The following EPB41L2 variants were observed in gnomAD, a reference collection of about 807,000 sequenced individuals.
The protein encoded by EPB41L2 is band 4.1-like protein 2.
Under a neutral mutation model 113.0 loss-of-function variants are expected in EPB41L2, and 43 were observed. The observed-to-expected ratio is 0.38, with a 90% CI of 0.30 to 0.49. EPB41L2 has a LOEUF of 0.49. Among genes scored for constraint, EPB41L2 ranks in the 20% least tolerant of loss-of-function variants. The pLI is 0.95. For missense variants in EPB41L2, 1,147 were observed against 1,223.4 expected, an observed-to-expected ratio of 0.94 and a Z score of 0.93; for synonymous variants, 442 against 436.7, an observed-to-expected ratio of 1.01 and a Z score of -0.15.
At chr6:130,861,012 T>C (rs189862906) in intron 18 of EPB41L2, among the ~76,000 whole-genome samples, 1 of 152,312 alleles carries the variant, frequency 6.6e-6, no homozygotes, top group African/African-American at 2.4e-5. Flanking sequence ...ACAAAAAAGA[T>C]TTCTTGTTTT....
intron 1 of EPB41L2, among the ~76,000 whole-genome samples, chr6:130,961,712 G>C (rs1239388313): frequency 6.6e-6 from 1 of 152,212 alleles, no homozygotes; most frequent in Admixed American, 6.5e-5. Context: ...GCAGGGAACA[G>C]GGTAGGTGCT....
chr6:130,986,614 G>A (rs1485268871), intron 1 of EPB41L2, among the ~76,000 whole-genome samples: 1 of 149,248 alleles, frequency 6.7e-6, no homozygotes, highest in Non-Finnish European at 1.5e-5. Context: ...ATGGAGTCTT[G>A]CTCTGTTGCC....
chr6:130,991,483 C>T (rs1295159184), intron 1 of EPB41L2, among the ~76,000 whole-genome samples: 1 of 152,216 alleles, frequency 6.6e-6, no homozygotes, highest in Admixed American at 6.5e-5. Context: ...GGTCTTACTA[C>T]TGGGCATCCA....
In EPB41L2 at chr6:131,059,114, C is replaced by CT. The variant is rs1554361720; in HGVS notation, c.-15+4040dup. On this transcript the variant is annotated intron_variant, in intron 1 of 19. Coordinates refer to ENST00000337057, the MANE Select transcript of EPB41L2 (RefSeq NM_001431.4). ...TCTTTCCTTCTTGGCTTACCTATAA[C>CT]TTTTTTTTTTTTTTTTTTGAGATGG... is the stretch of plus-strand genomic sequence containing the variant. Among the ~76,000 whole-genome samples the CT allele has an allele frequency of 9.3e-3, 1,216 of 131,340 alleles. 33 individuals carry two copies. Among genetic ancestry groups the CT allele is most frequent in the African/African-American group, 0.015 (530 of 35,400 alleles). 86.2% of individuals were successfully genotyped at this position (131,340 alleles called of 152,430 possible).
intron 4 of EPB41L2, among the ~76,000 whole-genome samples, chr6:130,917,376 T>G (rs1475065245): frequency 6.6e-6 from 1 of 152,182 alleles, no homozygotes; most frequent in African/African-American, 2.4e-5. Context: ...AAGAATCCTG[T>G]TAATAAGTTG....
rs144403545 is a variant in EPB41L2 at position 131,043,274 on chromosome 6, C to T, written c.-15+19881G>A. Among the ~76,000 whole-genome samples the T allele has an allele frequency of 2.2e-3, 333 of 152,024 alleles. 1 individual carries two copies. Among genetic ancestry groups the T allele is most frequent in the African/African-American group, 7.3e-3 (303 of 41,448 alleles). ...CAAAATCTCGCCGCTGCACTCCAGCCTGGGTGACAGAGTAAGACTCTGTCT... is the reference window on the plus strand; with the variant it reads ...CAAAATCTCGCCGCTGCACTCCAGCTTGGGTGACAGAGTAAGACTCTGTCT... On this transcript the variant is annotated intron_variant, in intron 1 of 19. Coordinates refer to ENST00000337057, the MANE Select transcript of EPB41L2 (RefSeq NM_001431.4).
chr6:131,023,389 T>C (rs9492785), intron 1 of EPB41L2, among the ~76,000 whole-genome samples: 25,042 of 152,066 alleles, frequency 0.16, 2,188 homozygotes, highest in African/African-American at 0.22. Context: ...AAGATTTCAG[T>C]AGATAAAAAT....
intron 1 of EPB41L2, among the ~76,000 whole-genome samples, chr6:131,032,267 T>C (rs972947576): frequency 6.6e-6 from 1 of 152,170 alleles, no homozygotes; most frequent in Non-Finnish European, 1.5e-5. Flanking sequence ...TCATCCTTCC[T>C]TCAGTTTTTT....
rs144840412 is a variant in EPB41L2 at position 130,884,053 on chromosome 6, G to A, written c.1833+1043C>T. 5.0e-3 allele frequency among the ~76,000 whole-genome samples: 760 copies of A among 152,134 alleles called. 7 individuals carry two copies. The highest frequency in any genetic ancestry group is 0.017 in the African/African-American group (722 of 41,498). On this transcript the variant is annotated intron_variant, in intron 12 of 19. Transcript: ENST00000337057. ...AGTTAAAATTTAGAAAACACTATAC[G>A]GCCGGGCTCAGTGGCTCATACCTGT...
At chr6:130,961,289 G>A (rs1025672338) in intron 1 of EPB41L2, among the ~76,000 whole-genome samples, 1 of 152,128 alleles carries the variant, frequency 6.6e-6, no homozygotes, top group African/African-American at 2.4e-5. Context: ...TTACCATGTT[G>A]GCATGCTCCA....
chr6:131,000,074 T>C (rs960918181), intron 1 of EPB41L2, among the ~76,000 whole-genome samples: 3 of 152,184 alleles, frequency 2.0e-5, no homozygotes, highest in African/African-American at 7.2e-5. Context: ...TTATCTTTGT[T>C]TTCCCAATGC....
chr6:130,885,156 G>A lies in EPB41L2; in HGVS notation c.1773C>T (p.Asp591=), dbSNP rs766718627. Residue 591 remains aspartate (D), a synonymous_variant, in exon 12 of 20, where the codon GAC becomes GAT. Transcript: ENST00000337057. ...TTGGGCTTCTCACTTCCCTCCTGCC[G>A]TCCCCATCTTGTACCACGGCAATGC... ...LVSIAVVQDG[D]GRREVRSPTK... is the part of the protein sequence containing the mutation. 34 of 1,614,004 alleles carry A rather than the reference G, an allele frequency of 2.1e-5. No individual in the cohort carries two copies. In the Admixed American group the frequency reaches 3.5e-4, roughly 17 times the overall value.
In EPB41L2 at chr6:130,865,529, G is replaced by T. The variant is rs757920221; in HGVS notation, c.2829+7C>A. The T allele has an allele frequency of 6.2e-7, 1 of 1,613,610 alleles. No individual in the cohort carries two copies. Among genetic ancestry groups the T allele is most frequent in the Non-Finnish European group, 8.5e-7 (1 of 1,179,598 alleles). On this transcript the variant is annotated splice_region_variant and intron_variant, in intron 17 of 19. Coordinates refer to ENST00000337057, the MANE Select transcript of EPB41L2 (RefSeq NM_001431.4). ...TCCTCTCCATATGATCCCCTGCATT[G>T]CTTTACCTTGGTGATGTGTGTGGTT...
At chr6:130,878,307 G>GGACAAA in intron 13 of EPB41L2, 57 bp from the exon 14 acceptor site, 1 of 1,515,538 alleles carries the variant, frequency 6.6e-7, no homozygotes, top group East Asian at 2.5e-5. Flanking sequence ...AAACCCAGTA[G>GGACAAA]GACAAAAATA....
intron 1 of EPB41L2, among the ~76,000 whole-genome samples, chr6:130,971,121 T>C (rs1221339308): frequency 6.6e-6 from 1 of 152,116 alleles, no homozygotes; most frequent in Non-Finnish European, 1.5e-5. Context: ...GATCTCCAAC[T>C]CCAGGACTCA....
At chr6:131,014,965 G>C (rs1787855512) in intron 1 of EPB41L2, among the ~76,000 whole-genome samples, 1 of 152,156 alleles carries the variant, frequency 6.6e-6, no homozygotes, top group Non-Finnish European at 1.5e-5. Flanking sequence ...GTGTCTGGTA[G>C]GTAAAGAGAC....
At chr6:131,052,686 G>A (rs1475561599) in intron 1 of EPB41L2, among the ~76,000 whole-genome samples, 1 of 152,130 alleles carries the variant, frequency 6.6e-6, no homozygotes, top group Non-Finnish European at 1.5e-5. Context: ...TGGAAGAGAG[G>A]AGAAAATGGG....
At chr6:131,011,663 G>T (rs1200372013) in intron 1 of EPB41L2, among the ~76,000 whole-genome samples, 1 of 152,156 alleles carries the variant, frequency 6.6e-6, no homozygotes, top group Non-Finnish European at 1.5e-5. Context: ...ATATATCTTT[G>T]ATGGGTATTC....
chr6:130,848,470 GTAAT>G (rs1007470613), intron 19 of EPB41L2, among the ~76,000 whole-genome samples: 2 of 152,122 alleles, frequency 1.3e-5, no homozygotes, highest in African/African-American at 4.8e-5. Context: ...ATTTCAATAA[GTAAT>G]TAATTTAAAA....
Sources: gnomAD v4.1 joint callset for allele counts (sites outside exome capture counted in the v4.1 genomes callset) on GRCh38, gnomAD v4.1.1 for gene constraint, MANE v1.5 for transcripts, NCBI Gene and HGNC (gene_info 2026-07-23, HGNC 2026-07-21) for gene names.